MARCHF10: variants seen among roughly 807,000 people sequenced by gnomAD.
MARCHF10 encodes the protein probable E3 ubiquitin-protein ligase MARCHF10.
MARCHF10 carries 64 observed loss-of-function variants against 76.2 expected under a neutral mutation model. The observed-to-expected ratio is 0.84, with a 90% CI of 0.69 to 1.03. The LOEUF (loss-of-function observed/expected upper bound fraction) is 1.03, where lower values mean the gene tolerates loss of function less well. Ranked by LOEUF, MARCHF10 falls within the 50% of genes least tolerant of loss-of-function variation. The pLI is 0.00. For synonymous variants in MARCHF10, 340 were observed against 357.5 expected (o/e 0.95, Z 0.55); for missense variants, 875 against 958.0 (o/e 0.91, Z 1.14).
At chr17:62,767,853 T>C (rs760660071) in intron 3 of MARCHF10, among the ~76,000 whole-genome samples, 26 of 152,172 alleles carry the variant, frequency 1.7e-4, no homozygotes, top group Non-Finnish European at 3.5e-4. Flanking sequence ...GGATGTGTGG[T>C]TGCCCATCTT....
intron 2 of MARCHF10, among the ~76,000 whole-genome samples, chr17:62,790,871 C>T (rs73992065): frequency 1.7e-3 from 259 of 152,262 alleles, no homozygotes; most frequent in African/African-American, 6.0e-3. Context: ...CTCTAGCCTC[C>T]GGGCTCATCA....
intron 3 of MARCHF10, among the ~76,000 whole-genome samples, chr17:62,771,722 G>A (rs943561766): frequency 5.3e-5 from 8 of 151,814 alleles, no homozygotes; most frequent in Non-Finnish European, 8.8e-5. Flanking sequence ...GATTACAGGC[G>A]CACACCACCA....
At chr17:62,782,501 C>A (rs1053025950) in intron 3 of MARCHF10, among the ~76,000 whole-genome samples, 1 of 151,920 alleles carries the variant, frequency 6.6e-6, no homozygotes, top group Admixed American at 6.6e-5. Context: ...GCGCATGCCA[C>A]CACGCCCAGT....
intron 6 of MARCHF10, among the ~76,000 whole-genome samples, chr17:62,727,805 C>G (rs1479966133): frequency 6.6e-5 from 10 of 152,204 alleles, no homozygotes; most frequent in Non-Finnish European, 1.2e-4. Context: ...GGCATTCTCA[C>G]AGAAGCATGG....
chr17:62,704,563 G>C (rs1474713778), intron 10 of MARCHF10, among the ~76,000 whole-genome samples: 1 of 152,246 alleles, frequency 6.6e-6, no homozygotes. Context: ...GCAGCTTTGA[G>C]CTGGTTCGCG....
At chr17:62,763,341 A>T (rs945134353) in intron 3 of MARCHF10, among the ~76,000 whole-genome samples, 1 of 152,220 alleles carries the variant, frequency 6.6e-6, no homozygotes, top group African/African-American at 2.4e-5. Flanking sequence ...GTTCCACACC[A>T]GACTCTTGGT....
At chr17:62,722,627 T>G in intron 7 of MARCHF10, 30 bp from the exon 8 acceptor site, 1 of 1,562,574 alleles carries the variant, frequency 6.4e-7, no homozygotes, top group Non-Finnish European at 8.8e-7. Context: ...TATATGTACA[T>G]ATAACCATGG....
At chr17:62,724,906 G>T in intron 7 of MARCHF10, 32 bp downstream of exon 7, 1 of 1,605,910 alleles carries the variant, frequency 6.2e-7, no homozygotes. Flanking sequence ...TACATGTCGT[G>T]GCACGTTCAC....
chr17:62,801,316 G>C (rs1040566727), intron 2 of MARCHF10, among the ~76,000 whole-genome samples: 1 of 151,986 alleles, frequency 6.6e-6, no homozygotes, highest in Non-Finnish European at 1.5e-5. Context: ...ACCACGCCTG[G>C]CTAATTTTTT....
chr17:62,790,681 G>A (rs1216317945), intron 2 of MARCHF10, among the ~76,000 whole-genome samples: 1 of 152,194 alleles, frequency 6.6e-6, no homozygotes, highest in Non-Finnish European at 1.5e-5. Context: ...CACGCCCTCT[G>A]TTAGAAAAAG....
In MARCHF10 at chr17:62,702,236, C is replaced by G. The variant is rs1038335768; in HGVS notation, c.2372-478G>C. Among the ~76,000 whole-genome samples, 11 of 152,064 alleles carry G rather than the reference C, an allele frequency of 7.2e-5. No homozygotes were observed. In the East Asian group the frequency reaches 1.2e-3, roughly 16 times the overall value. ...GAGCAAGAGGCACTGGGACGCAGTG[C>G]AGTCCCAGTGGAGGAGGTGGAGTTG... On this transcript the variant is annotated intron_variant, in intron 10 of 10. Transcript: ENST00000311269.
intron 6 of MARCHF10, among the ~76,000 whole-genome samples, chr17:62,727,969 G>A (rs758049379): frequency 6.6e-5 from 10 of 152,210 alleles, no homozygotes; most frequent in Admixed American, 4.6e-4. Context: ...GGCAGCAGGT[G>A]GCATAGTGCC....
chr17:62,744,239 G>T, intron 5 of MARCHF10, 137 bp downstream of exon 5: 1 of 966,060 alleles, frequency 1.0e-6, no homozygotes, highest in Non-Finnish European at 1.5e-6. Context: ...TGCTTTTAAA[G>T]CTGTTTCATT....
chr17:62,753,962 C>T (rs372590169), intron 4 of MARCHF10, among the ~76,000 whole-genome samples: 29 of 152,276 alleles, frequency 1.9e-4, no homozygotes, highest in African/African-American at 6.0e-4. Flanking sequence ...CACCCTGGGA[C>T]GTGGGGGACA....
intron 9 of MARCHF10, among the ~76,000 whole-genome samples, chr17:62,708,306 C>T (rs558270800): frequency 7.8e-4 from 117 of 150,542 alleles, no homozygotes; most frequent in Non-Finnish European, 1.3e-3. Flanking sequence ...AGCGCAGTGG[C>T]GCCGTCTCGG....
At position 62,797,120 on chromosome 17, in the gene MARCHF10, A is replaced by C. The variant is rs190700293; in HGVS notation, c.90+4526T>G. ...AGTACTAGAGTGGTGGAAATATTCT[A>C]AAGTTATGATAGTTATGGCTGCAAA... On this transcript the variant is annotated intron_variant, in intron 2 of 10. Transcript: ENST00000311269. Among the ~76,000 whole-genome samples the C allele has an allele frequency of 3.3e-5, 5 of 152,352 alleles. No homozygotes were observed. The East Asian group carries it at 9.6e-4, about 29-fold the overall frequency.
intron 3 of MARCHF10, among the ~76,000 whole-genome samples, chr17:62,782,206 C>T (rs756873068): frequency 1.3e-5 from 2 of 152,042 alleles, no homozygotes; most frequent in Non-Finnish European, 1.5e-5. Flanking sequence ...GACATGCCAG[C>T]CTTCTTATTC....
intron 5 of MARCHF10, chr17:62,737,552 T>C (rs2147817310): frequency 3.7e-6 from 2 of 547,020 alleles, no homozygotes; most frequent in Non-Finnish European, 6.3e-6. Context: ...CCTAGGGAAA[T>C]GGGGGGACCC....
At chr17:62,802,119 T>C (rs1291985103) in intron 1 of MARCHF10, among the ~76,000 whole-genome samples, 1 of 152,216 alleles carries the variant, frequency 6.6e-6, no homozygotes, top group African/African-American at 2.4e-5. Flanking sequence ...GTTACTTAAA[T>C]TCATTTATGC....
Sources: allele counts gnomAD v4.1 joint callset (sites outside exome capture counted in the v4.1 genomes callset), GRCh38; gene constraint gnomAD v4.1.1; transcripts MANE v1.5; gene names NCBI Gene and HGNC (gene_info 2026-07-23, HGNC 2026-07-21).